Variants in LARP4B observed in about 807,000 individuals in gnomAD.
The protein encoded by LARP4B is la-related protein 4B.
Under a neutral mutation model 89.8 loss-of-function variants are expected in LARP4B, and 12 were observed. The observed-to-expected ratio is 0.13, with a 90% CI of 0.09 to 0.22. LARP4B has a LOEUF of 0.22. LARP4B is among the 10% of genes least tolerant of loss of function. The pLI is 1.00. For synonymous variants in LARP4B, 367 were observed against 363.3 expected, an observed-to-expected ratio of 1.01 and a Z score of -0.12; for missense variants, 757 against 947.7, an observed-to-expected ratio of 0.80 and a Z score of 2.64.
the LARP4B span, among the ~76,000 whole-genome samples, chr10:978,972 G>T: frequency 6.6e-6 from 1 of 150,814 alleles, no homozygotes; most frequent in South Asian, 2.1e-4. Flanking sequence ...ACTGTCTCCT[G>T]TCTCTCAATG....
chr10:864,727 G>A (rs1313697455), intron 3 of LARP4B, among the ~76,000 whole-genome samples: 1 of 152,234 alleles, frequency 6.6e-6, no homozygotes, highest in Non-Finnish European at 1.5e-5. Flanking sequence ...GCCAAGGCGG[G>A]CGGATCACCT....
the LARP4B span, among the ~76,000 whole-genome samples, chr10:980,508 G>T: frequency 1.3e-5 from 2 of 152,234 alleles, no homozygotes; most frequent in African/African-American, 4.8e-5. Context: ...GCCACCAAGA[G>T]TTCTTCATCC....
chr10:921,071 C>T (rs1356123912), intron 1 of LARP4B, among the ~76,000 whole-genome samples: 2 of 152,076 alleles, frequency 1.3e-5, no homozygotes, highest in African/African-American at 2.4e-5. Context: ...GTGGGGAGTT[C>T]GAGAGCAGCC....
intron 8 of LARP4B, among the ~76,000 whole-genome samples, chr10:832,137 G>A (rs906237978): frequency 2.0e-4 from 30 of 152,210 alleles, no homozygotes; most frequent in African/African-American, 6.5e-4. Flanking sequence ...TCTGCCTCCC[G>A]GGTTCACGCC....
intron 3 of LARP4B, chr10:873,200 C>T (rs1835311242): frequency 1.0e-6 from 1 of 985,298 alleles, no homozygotes; most frequent in African/African-American, 1.7e-5. Context: ...TCCACAGACG[C>T]ACCTCACAGT....
intron 7 of LARP4B, among the ~76,000 whole-genome samples, chr10:842,103 A>G (rs1264935556): frequency 6.6e-6 from 1 of 152,228 alleles, no homozygotes; most frequent in African/African-American, 2.4e-5. Context: ...GCAATGTCCA[A>G]TCACTCAAAA....
intron 1 of LARP4B, chr10:903,079 T>A (rs1253768724): frequency 1.3e-5 from 2 of 152,244 alleles, no homozygotes; most frequent in Non-Finnish European, 2.9e-5. Context: ...TTACTTCTCA[T>A]GTTGAGAATG....
rs1204627154 is a variant in LARP4B at position 816,184 on chromosome 10, G to A, written c.1696-1114C>T. Among the ~76,000 whole-genome samples the A allele has an allele frequency of 3.3e-5, 5 of 152,346 alleles. No individual in the cohort carries two copies. The East Asian group carries it at 9.6e-4, about 29-fold the overall frequency. On this transcript the variant is annotated intron_variant, in intron 15 of 17. Coordinates refer to ENST00000316157, the MANE Select transcript of LARP4B (RefSeq NM_015155.3). ...GCGGAGGTTGCAGGGAGCCAAGGTC[G>A]TGCCACTGCATTCCAGCCTGGGTGA...
chr10:902,656 T>A lies in LARP4B; in HGVS notation c.-39-16896A>T, dbSNP rs567255770. Among the ~76,000 whole-genome samples, 51 of 142,394 alleles carry A rather than the reference T, an allele frequency of 3.6e-4. No homozygotes were observed. The South Asian group carries it at 6.1e-3, about 17-fold the overall frequency. 93.4% of individuals were successfully genotyped at this position (142,394 alleles called of 152,430 possible). A position where few individuals can be genotyped will look rare whatever the true frequency, so the allele number is the denominator to read the frequency against. ...ATAAAATCTTTTTTTTTTTTTTTTTTAATTTTGAGATAGAGTCTCACTCTG... is the reference window on the plus strand; with the variant it reads ...ATAAAATCTTTTTTTTTTTTTTTTTAAATTTTGAGATAGAGTCTCACTCTG... On this transcript the variant is annotated intron_variant, in intron 1 of 17. Coordinates refer to ENST00000316157, the MANE Select transcript of LARP4B (RefSeq NM_015155.3).
chr10:951,800 C>G, the LARP4B span, among the ~76,000 whole-genome samples: 1,762 of 132,456 alleles, frequency 0.013, 33 homozygotes, highest in African/African-American at 0.026. Context: ...AGAAATCACA[C>G]CAGCCCAGAA....
intron 1 of LARP4B, among the ~76,000 whole-genome samples, chr10:911,462 T>C (rs1339051783): frequency 2.0e-5 from 3 of 152,348 alleles, no homozygotes; most frequent in African/African-American, 7.2e-5. Flanking sequence ...GTTTGCTTCC[T>C]GTCTTGTTGG....
intron 1 of LARP4B, among the ~76,000 whole-genome samples, chr10:910,504 T>G (rs1448453460): frequency 6.6e-6 from 1 of 152,228 alleles, no homozygotes; most frequent in Non-Finnish European, 1.5e-5. Context: ...TGAGGTCTCC[T>G]GAAATTGGAA....
intron 1 of LARP4B, among the ~76,000 whole-genome samples, chr10:890,045 T>A (rs888835536): frequency 1.3e-5 from 2 of 152,204 alleles, no homozygotes; most frequent in African/African-American, 4.8e-5. Flanking sequence ...CTACACTGCT[T>A]CCCAAACAAG....
At chr10:919,365 G>A (rs546638449) in intron 1 of LARP4B, among the ~76,000 whole-genome samples, 11 of 152,224 alleles carry the variant, frequency 7.2e-5, no homozygotes, top group Middle Eastern at 3.4e-3. Context: ...CTCCTGCCAC[G>A]CAAAAGGCTT....
chr10:953,912 C>T, the LARP4B span, among the ~76,000 whole-genome samples: 1 of 152,242 alleles, frequency 6.6e-6, no homozygotes, highest in South Asian at 2.1e-4. Context: ...CCTGAGCAAG[C>T]TCCAAGGAAA....
chr10:932,321 G>T (rs540905718), upstream of LARP4B, among the ~76,000 whole-genome samples: 1 of 83,574 alleles, frequency 1.2e-5, no homozygotes, highest in Non-Finnish European at 2.6e-5. Flanking sequence ...CCCCACACCC[G>T]GGACCCAGGC....
At chr10:913,023 C>T (rs573966347) in intron 1 of LARP4B, among the ~76,000 whole-genome samples, 18 of 152,178 alleles carry the variant, frequency 1.2e-4, no homozygotes, top group Non-Finnish European at 2.5e-4. Flanking sequence ...ACAGAGCAAA[C>T]CTTCCCTTTG....
At chr10:816,808 T>C (rs141001901) in intron 15 of LARP4B, among the ~76,000 whole-genome samples, 2 of 152,334 alleles carry the variant, frequency 1.3e-5, no homozygotes, top group Admixed American at 6.5e-5. Flanking sequence ...CTGGCTTTCA[T>C]TGTAAAGATA....
Position 811,475 on chromosome 10 carries a change from C to T in LARP4B, c.*1451G>A, listed in dbSNP as rs1831741287. 6.6e-6 allele frequency: 1 copy of T among 152,618 alleles called. No individual in the cohort carries two copies. Among genetic ancestry groups the T allele is most frequent in the Non-Finnish European group, 1.5e-5 (1 of 68,032 alleles). 9.5% of individuals were successfully genotyped at this position (152,618 alleles called of 1,614,324 possible). ...TATATTACAAAAACTACTACTAGCT[C>T]TTGTACTACAGTATGCTTACTCAGT... On this transcript the variant is annotated 3_prime_UTR_variant, in exon 18 of 18. Transcript: ENST00000316157.
Sources: allele counts gnomAD v4.1 joint callset (sites outside exome capture counted in the v4.1 genomes callset), GRCh38; gene constraint gnomAD v4.1.1; transcripts MANE v1.5; gene names NCBI Gene and HGNC (gene_info 2026-07-23, HGNC 2026-07-21).